The following MLN variants were observed in gnomAD, a reference collection of about 807,000 sequenced individuals.
The protein encoded by MLN is promotilin.
A neutral mutation model predicts 13.3 loss-of-function variants in MLN; 14 were observed. The observed-to-expected ratio is 1.05, with a 90% CI of 0.69 to 1.64. The LOEUF is 1.64. Ranked by LOEUF, MLN falls within the 40% of genes most tolerant of loss-of-function variation. The probability of loss-of-function intolerance (pLI) is 0.00; values close to 1 mark genes in which losing one functional copy is unlikely to be tolerated. For missense variants in MLN, 122 were observed against 142.9 expected (o/e 0.85, Z 0.75); for synonymous variants, 59 against 54.7 (o/e 1.08, Z -0.34).
rs1760885916 is a variant in MLN, at chr6:33,803,197, A to G, written c.-8+756T>C. Among the ~76,000 whole-genome samples the G allele has an allele frequency of 6.6e-6, 1 of 151,986 alleles. No homozygotes were observed. The highest frequency in any genetic ancestry group is 1.5e-5 in the Non-Finnish European group (1 of 68,006). ...TCAACCTTCAAGTGTCCAGCTCTGCATGAAGGGGGTGACCGTCTGCCCTCC... is the reference window on the plus strand; with the variant it reads ...TCAACCTTCAAGTGTCCAGCTCTGCGTGAAGGGGGTGACCGTCTGCCCTCC... On this transcript the variant is annotated intron_variant, in intron 1 of 4. Coordinates refer to ENST00000430124, the MANE Select transcript of MLN (RefSeq NM_002418.3). The surrounding 1 kb of genome is among the most constrained non-coding windows in gnomAD (Gnocchi z 4.5).
intron 2 of MLN, among the ~76,000 whole-genome samples, 163 bp downstream of exon 2, chr6:33,800,884 G>A (rs1768028869): frequency 1.3e-5 from 2 of 152,238 alleles, no homozygotes; most frequent in Non-Finnish European, 2.9e-5. Context: ...ACGAGCCACT[G>A]ACATATCTGA....
intron 3 of MLN, 117 bp downstream of exon 3, chr6:33,798,988 G>A (rs1767986277): frequency 6.3e-6 from 4 of 637,940 alleles, no homozygotes; most frequent in Non-Finnish European, 1.1e-5. Context: ...CTTGCTCACT[G>A]CGATATCCTA....
chr6:33,800,694 G>A (rs890270577), intron 2 of MLN, among the ~76,000 whole-genome samples: 14 of 152,200 alleles, frequency 9.2e-5, no homozygotes, highest in Non-Finnish European at 1.3e-4. Context: ...TCATATGTTC[G>A]TATCTTGGCA....
intron 1 of MLN, among the ~76,000 whole-genome samples, chr6:33,802,300 A>G (rs1055960001): frequency 3.3e-5 from 5 of 152,070 alleles, no homozygotes; most frequent in African/African-American, 1.2e-4. Flanking sequence ...CCAAGCAGGG[A>G]GGGGAGGCCG....
chr6:33,795,420 A>T, intron 4 of MLN, 83 bp downstream of exon 4: 1 of 1,132,656 alleles, frequency 8.8e-7, no homozygotes, highest in Non-Finnish European at 1.3e-6. Flanking sequence ...ACAAATTGCC[A>T]CCCTGAAACC....
At chr6:33,797,112 C>T (rs947045520) in intron 3 of MLN, among the ~76,000 whole-genome samples, 5 of 152,214 alleles carry the variant, frequency 3.3e-5, no homozygotes, top group African/African-American at 4.8e-5. Flanking sequence ...CCAACAGCAC[C>T]GGGAAAGATC....
Position 33,803,293 on chromosome 6 carries a change from C to T in MLN, c.-8+660G>A, listed in dbSNP as rs9380381. ...TCCCTCGGGGTCAACTTTTTCTTTT[C>T]CTTTTCTTTTCTTCTTTTTTTTTTT... On this transcript the variant is annotated intron_variant, in intron 1 of 4. Transcript: ENST00000430124. The surrounding 1 kb of genome is among the most constrained non-coding windows in gnomAD (Gnocchi z 4.5). 0.27 allele frequency among the ~76,000 whole-genome samples: 41,069 copies of T among 149,902 alleles called. 6,290 individuals are homozygous for T. The highest frequency in any genetic ancestry group is 0.66 in the East Asian group (3,312 of 5,010).
Position 33,803,322 on chromosome 6 carries a change from T to TG in MLN, c.-8+630_-8+631insC, listed in dbSNP as rs1157852507. Among the ~76,000 whole-genome samples, 1 of 150,578 alleles carries TG rather than the reference T, an allele frequency of 6.6e-6. No homozygotes were observed. The highest frequency in any genetic ancestry group is 1.5e-5 in the Non-Finnish European group (1 of 67,544). ...TTCTTTTCTTCTTTTTTTTTTTTTT[T>TG]TCTGAGATGGAGTCTCGCTCTGTCT... On this transcript the variant is annotated intron_variant, in intron 1 of 4. Transcript: ENST00000430124. The surrounding 1 kb of genome is among the most constrained non-coding windows in gnomAD (Gnocchi z 4.5).
chr6:33,795,478 A>G (rs1458086514), intron 4 of MLN, 25 bp downstream of exon 4: 4 of 1,543,410 alleles, frequency 2.6e-6, no homozygotes, highest in Admixed American at 1.9e-5. Context: ...CGGCCAAGCC[A>G]CAGAGATGCC....
chr6:33,795,551 A>T lies in MLN; in HGVS notation c.289T>A (p.Tyr97Asn). ...MRMNSRQLEK[Y>N]PATLEGLLSE... ...AGCAGCCCTTCCAGGGTGGCCGGGTACTTTTCCAGCTGTCTGGAGTTCATC... is the reference window on the plus strand; with the variant it reads ...AGCAGCCCTTCCAGGGTGGCCGGGTTCTTTTCCAGCTGTCTGGAGTTCATC... Residue 97 changes from tyrosine (Y) to asparagine (N), a missense_variant, in exon 4 of 5, where the codon TAC (tyrosine) becomes AAC (asparagine). Tyr to Asn is a moderately radical substitution (Grantham distance 143, BLOSUM62 -2). Coordinates refer to ENST00000430124, the MANE Select transcript of MLN (RefSeq NM_002418.3). The T allele has an allele frequency of 6.4e-7, 1 of 1,567,638 alleles. No homozygotes were observed. The highest frequency in any genetic ancestry group is 8.7e-7 in the Non-Finnish European group (1 of 1,154,618).
intron 4 of MLN, among the ~76,000 whole-genome samples, chr6:33,795,235 C>A (rs1261231818): frequency 3.3e-5 from 5 of 152,208 alleles, no homozygotes; most frequent in Non-Finnish European, 5.9e-5. Flanking sequence ...GGAGCAGCCA[C>A]CCTGTGGTGA....
intron 3 of MLN, among the ~76,000 whole-genome samples, chr6:33,795,987 T>G (rs1582272871): frequency 1.5e-5 from 2 of 132,758 alleles, no homozygotes; most frequent in Non-Finnish European, 1.6e-5. Context: ...TGAGACGGAG[T>G]CTTGCTCTGT....
intron 1 of MLN, among the ~76,000 whole-genome samples, chr6:33,802,689 C>T (rs1760874466): frequency 6.6e-6 from 1 of 152,222 alleles, no homozygotes; most frequent in Non-Finnish European, 1.5e-5. Context: ...CCCATCCCAG[C>T]TGTATGCAAA....
chr6:33,795,814 G>A (rs1767903535), intron 3 of MLN, among the ~76,000 whole-genome samples: 1 of 152,078 alleles, frequency 6.6e-6, no homozygotes, highest in Admixed American at 6.6e-5. Context: ...CTGCTGAGGG[G>A]ATCAATACAC....
chr6:33,798,753 C>T (rs576296060), intron 3 of MLN, among the ~76,000 whole-genome samples: 1 of 152,344 alleles, frequency 6.6e-6, no homozygotes, highest in Non-Finnish European at 1.5e-5. Context: ...CCGGGAGGCC[C>T]TTGCTCCAGC....
At chr6:33,800,210 C>G (rs942092797) in intron 2 of MLN, among the ~76,000 whole-genome samples, 1 of 152,228 alleles carries the variant, frequency 6.6e-6, no homozygotes, top group Non-Finnish European at 1.5e-5. Flanking sequence ...GTATTCATCC[C>G]TATTGGAGTC....
intron 3 of MLN, among the ~76,000 whole-genome samples, chr6:33,798,469 C>G (rs989442628): frequency 1.3e-5 from 2 of 152,224 alleles, no homozygotes; most frequent in African/African-American, 4.8e-5. Context: ...CTGTGGCTGG[C>G]TCCTGGGTTT....
At chr6:33,802,871 G>T (rs974041942) in intron 1 of MLN, among the ~76,000 whole-genome samples, 2 of 152,052 alleles carry the variant, frequency 1.3e-5, no homozygotes, top group Admixed American at 6.5e-5. Flanking sequence ...AGAGTCTCTG[G>T]GGCCTGCTTT....
In MLN at chr6:33,801,097, T is replaced by G. The variant is rs1768036659; in HGVS notation, c.67A>C (p.Thr23Pro). Residue 23 changes from threonine (T) to proline (P), a missense_variant, in exon 2 of 5, where the codon ACG becomes CCG. Physicochemically the swap from Thr to Pro is conservative, Grantham distance 38. Coordinates refer to ENST00000430124, the MANE Select transcript of MLN (RefSeq NM_002418.3). The part of the protein sequence containing the change: ...VHVAAMLASQ[T>P]EAFVPIFTYG... ...GTGAAGATGGGGACGAAGGCTTCCGTCTGGGAGGCCAGCATGGCAGCTACA... is the reference window on the plus strand; with the variant it reads ...GTGAAGATGGGGACGAAGGCTTCCGGCTGGGAGGCCAGCATGGCAGCTACA... 1 of 1,614,030 alleles carries G rather than the reference T, an allele frequency of 6.2e-7. No homozygotes were observed. The highest frequency in any genetic ancestry group is 8.5e-7 in the Non-Finnish European group (1 of 1,180,018).
Sources: gnomAD v4.1 joint callset for allele counts (sites outside exome capture counted in the v4.1 genomes callset) on GRCh38, gnomAD v4.1.1 for gene constraint, Gnocchi (gnomAD v3.1) non-coding constraint, MANE v1.5 for transcripts, NCBI Gene and HGNC (gene_info 2026-07-23, HGNC 2026-07-21) for gene names.